SCAI: variants seen among roughly 807,000 people sequenced by gnomAD.
SCAI encodes protein SCAI.
Under a neutral mutation model 92.2 loss-of-function variants are expected in SCAI, and 24 were observed. The ratio of observed to expected loss-of-function variants is 0.26; its 90% CI spans 0.19 to 0.37. The LOEUF is 0.37. Ranked by LOEUF, SCAI falls within the 10% of genes least tolerant of loss-of-function variation. The pLI, the probability that SCAI is intolerant of heterozygous loss-of-function variation, is 1.00. For synonymous variants in SCAI, 261 were observed against 258.6 expected, an observed-to-expected ratio of 1.01 and a Z score of -0.09; for missense variants, 450 against 736.2, an observed-to-expected ratio of 0.61 and a Z score of 4.50.
intron 2 of SCAI, among the ~76,000 whole-genome samples, chr9:125,093,445 C>T (rs571942403): frequency 7.9e-5 from 12 of 152,142 alleles, no homozygotes; most frequent in South Asian, 2.1e-4. Context: ...CATGATCCAA[C>T]GTGGAAATGT....
chr9:125,046,316 TACACAC>T (rs201429484), intron 3 of SCAI, among the ~76,000 whole-genome samples: 1 of 70,910 alleles, frequency 1.4e-5, no homozygotes, highest in Non-Finnish European at 2.7e-5. Context: ...CATATATATA[TACACAC>T]ACACACACAC....
At chr9:125,134,824 G>A (rs1835485557) in intron 2 of SCAI, among the ~76,000 whole-genome samples, 1 of 152,166 alleles carries the variant, frequency 6.6e-6, no homozygotes, top group Non-Finnish European at 1.5e-5. Flanking sequence ...TTACAGGCAT[G>A]CGCCACCACG....
chr9:125,080,033 A>C (rs1394249865), intron 2 of SCAI, among the ~76,000 whole-genome samples: 1 of 152,024 alleles, frequency 6.6e-6, no homozygotes, highest in Non-Finnish European at 1.5e-5. Flanking sequence ...TTGTTTAACT[A>C]GAGGGAAGTT....
chr9:124,949,799 A>T lies in SCAI; in HGVS notation c.*3008T>A, dbSNP rs930906431. The T allele has an allele frequency of 7.9e-5, 12 of 152,206 alleles. No homozygotes were observed. Among genetic ancestry groups the T allele is most frequent in the African/African-American group, 2.7e-4 (11 of 41,456 alleles). The allele number at this position is 152,206 out of a possible 1,614,324, so 9.4% of individuals were successfully genotyped here. On this transcript the variant is annotated 3_prime_UTR_variant, in exon 18 of 18. Coordinates refer to ENST00000336505, the MANE Select transcript of SCAI (RefSeq NM_001144877.3). This position sits in a 1 kb window ranked among gnomAD's most constrained non-coding sequence, Gnocchi z 4.0. ...AAGCTTCATGAACATGAGGATTTTT[A>T]AGTCTATTTTGTTTGCTTCCCCAAT...
At chr9:125,003,406 G>C in intron 10 of SCAI, 63 bp downstream of exon 10, 2 of 1,156,526 alleles carry the variant, frequency 1.7e-6, no homozygotes, top group Non-Finnish European at 2.6e-6. Flanking sequence ...AATAATCAGC[G>C]TTCCAACAGG....
chr9:125,082,671 T>C (rs1308805857), intron 2 of SCAI, among the ~76,000 whole-genome samples: 1 of 152,246 alleles, frequency 6.6e-6, no homozygotes, highest in African/African-American at 2.4e-5. Flanking sequence ...TGCATCAGCA[T>C]GACCTGGGTG....
intron 2 of SCAI, among the ~76,000 whole-genome samples, chr9:125,095,659 T>C (rs1032046529): frequency 1.3e-5 from 2 of 152,240 alleles, no homozygotes; most frequent in African/African-American, 4.8e-5. Context: ...GATGTAACTT[T>C]GAGAACTTGT....
chr9:125,103,808 C>T (rs1280725304), intron 2 of SCAI, among the ~76,000 whole-genome samples: 1 of 152,188 alleles, frequency 6.6e-6, no homozygotes, highest in African/African-American at 2.4e-5. Flanking sequence ...AAACTATACA[C>T]TCTTGGCCTC....
chr9:124,975,980 G>A, intron 15 of SCAI, 134 bp downstream of exon 15: 4 of 561,950 alleles, frequency 7.1e-6, no homozygotes, highest in South Asian at 2.8e-5. Flanking sequence ...ATTTCAGAGC[G>A]ACACCTGCCA....
chr9:125,110,789 A>G (rs1834913865), intron 2 of SCAI, among the ~76,000 whole-genome samples: 1 of 152,112 alleles, frequency 6.6e-6, no homozygotes, highest in Non-Finnish European at 1.5e-5. Context: ...TTATTTCTAT[A>G]TAGCAGTATG....
intron 14 of SCAI, among the ~76,000 whole-genome samples, chr9:124,979,187 G>T (rs1831825212): frequency 1.3e-5 from 2 of 151,648 alleles, no homozygotes; most frequent in African/African-American, 2.4e-5. Flanking sequence ...AATGAAAAAA[G>T]ATATGGTGCA....
In SCAI at chr9:124,961,689, G is replaced by A. The variant is rs150459561; in HGVS notation, c.1675-8736C>T. 4.7e-3 allele frequency among the ~76,000 whole-genome samples: 704 copies of A among 150,032 alleles called. 1 individual carries two copies. Among genetic ancestry groups the A allele is most frequent in the Non-Finnish European group, 7.3e-3 (492 of 67,584 alleles). On this transcript the variant is annotated intron_variant, in intron 17 of 17. Coordinates refer to ENST00000336505, the MANE Select transcript of SCAI (RefSeq NM_001144877.3). ...AAGATCTACTGATGAATGGTAAGAC[G>A]AATCCATAAATGGACAAATATGTCA... is the stretch of plus-strand genomic sequence containing the variant.
chr9:124,973,656 C>A (rs1232080781), intron 15 of SCAI, among the ~76,000 whole-genome samples: 1 of 151,950 alleles, frequency 6.6e-6, no homozygotes, highest in Non-Finnish European at 1.5e-5. Flanking sequence ...CATTTTTAGT[C>A]TCTCATAAAA....
chr9:125,062,691 G>A (rs1833792824), intron 2 of SCAI, among the ~76,000 whole-genome samples: 1 of 150,990 alleles, frequency 6.6e-6, no homozygotes, highest in Admixed American at 6.6e-5. Context: ...GGAGGCGGGG[G>A]TTGCAGTGAG....
At chr9:125,102,132 G>A (rs72765279) in intron 2 of SCAI, among the ~76,000 whole-genome samples, 20,233 of 152,080 alleles carry the variant, frequency 0.13, 1,443 homozygotes, top group East Asian at 0.23. Context: ...ACCCCACGTC[G>A]GTGACAAACA....
At chr9:125,102,082 G>T (rs1176393664) in intron 2 of SCAI, among the ~76,000 whole-genome samples, 1 of 152,128 alleles carries the variant, frequency 6.6e-6, no homozygotes, top group Non-Finnish European at 1.5e-5. Flanking sequence ...AGGATGTCTA[G>T]CGGCATCCCT....
At chr9:125,017,653 T>C (rs1041135150) in intron 9 of SCAI, among the ~76,000 whole-genome samples, 1 of 152,154 alleles carries the variant, frequency 6.6e-6, no homozygotes. Context: ...TTAAATCTCA[T>C]CATCATGGTG....
At chr9:125,019,238 A>T (rs768662162) in intron 7 of SCAI, 33 bp from the exon 8 acceptor site, 23 of 1,283,258 alleles carry the variant, frequency 1.8e-5, no homozygotes, top group East Asian at 1.4e-4. Flanking sequence ...AAAGGTTATT[A>T]AAAAACCCAT....
At chr9:125,054,951 A>T (rs191528020) in intron 3 of SCAI, among the ~76,000 whole-genome samples, 2 of 152,310 alleles carry the variant, frequency 1.3e-5, no homozygotes, top group Admixed American at 6.5e-5. Flanking sequence ...AGTGTCATGA[A>T]GCAAATCAAA....
Sources: gnomAD v4.1 joint callset for allele counts (sites outside exome capture counted in the v4.1 genomes callset) on GRCh38, gnomAD v4.1.1 for gene constraint, Gnocchi (gnomAD v3.1) non-coding constraint, MANE v1.5 for transcripts, NCBI Gene and HGNC (gene_info 2026-07-23, HGNC 2026-07-21) for gene names.